The following AACS variants were observed in gnomAD, a reference collection of about 807,000 sequenced individuals.
The protein encoded by AACS is acetoacetyl-CoA synthetase.
Under a neutral mutation model 83.1 loss-of-function variants are expected in AACS, and 69 were observed. That is an observed-to-expected ratio of 0.83 (90% CI 0.68 to 1.01). The LOEUF (loss-of-function observed/expected upper bound fraction) is 1.01. AACS is among the 50% of genes least tolerant of loss of function. The pLI is 0.00. For missense variants in AACS, 866 were observed against 882.2 expected, an observed-to-expected ratio of 0.98 and a Z score of 0.23; for synonymous variants, 333 against 343.4, an observed-to-expected ratio of 0.97 and a Z score of 0.33.
intron 4 of AACS, among the ~76,000 whole-genome samples, chr12:125,088,255 A>G (rs1437501481): frequency 1.4e-5 from 2 of 146,834 alleles, no homozygotes; most frequent in African/African-American, 5.1e-5. Context: ...TTTTTGAGAC[A>G]GGGTCTCACT....
chr12:125,107,267 G>A lies in AACS; in HGVS notation c.914G>A (p.Gly305Glu). Residue 305 changes from glycine to glutamate, a missense_variant and splice_region_variant, in exon 8 of 18, where the codon GGG becomes GAG. Gly to Glu is a moderately conservative substitution (Grantham distance 98). Transcript: ENST00000316519. ...GAPKCMVHSAGGTLIQHLKEH... is the reference protein window; with the variant it reads ...GAPKCMVHSAEGTLIQHLKEH... ...CCCAAGTGCATGGTGCATTCCGCTG[G>A]GGTAGGTCTCTGGGGAAGGCTCTGC... 1 of 1,613,352 alleles carries A rather than the reference G, an allele frequency of 6.2e-7. No individual in the cohort carries two copies. The highest frequency in any genetic ancestry group is 8.5e-7 in the Non-Finnish European group (1 of 1,179,836).
rs761687598 is a variant in AACS at position 125,129,477 on chromosome 12, C to A, written c.1549+17C>A. 1 of 1,610,662 alleles carries A rather than the reference C, an allele frequency of 6.2e-7. No homozygotes were observed. Among genetic ancestry groups the A allele is most frequent in the East Asian group, 2.2e-5 (1 of 44,788 alleles). On this transcript the variant is annotated intron_variant, in intron 14 of 17. Coordinates refer to ENST00000316519, the MANE Select transcript of AACS (RefSeq NM_023928.5). The surrounding 1 kb of genome is among the most constrained non-coding windows in gnomAD (Gnocchi z 4.3). ...AATTCCCAGGTCGGTTGGAGAGATGCAGACAGAGCTGGCCAGCCTCTGCCT... is the reference window on the plus strand; with the variant it reads ...AATTCCCAGGTCGGTTGGAGAGATGAAGACAGAGCTGGCCAGCCTCTGCCT...
intron 3 of AACS, among the ~76,000 whole-genome samples, chr12:125,084,157 A>G (rs1048511784): frequency 6.6e-6 from 1 of 151,742 alleles, no homozygotes; most frequent in African/African-American, 2.4e-5. Flanking sequence ...GTGAAACCCC[A>G]TCTCTACTAA....
At chr12:125,117,409 G>A (rs373460285) in intron 9 of AACS, among the ~76,000 whole-genome samples, 64 of 149,266 alleles carry the variant, frequency 4.3e-4, no homozygotes, top group African/African-American at 1.5e-3. Context: ...GTGAGACTCC[G>A]TCTCAAAAAA....
rs1474793605 is a variant in AACS at position 125,087,645 on chromosome 12, C to T, written c.472+1202C>T. Among the ~76,000 whole-genome samples, 6 of 152,204 alleles carry T rather than the reference C, an allele frequency of 3.9e-5. No homozygotes were observed. The South Asian group carries it at 1.0e-3, about 26-fold the overall frequency. On this transcript the variant is annotated intron_variant, in intron 4 of 17. Coordinates refer to ENST00000316519, the MANE Select transcript of AACS (RefSeq NM_023928.5). ...GGCTTTGGAGCCTTGGTGTTTGGCA[C>T]GGGTGTGCCTCTCCCGAGGGAACTT...
rs751807542 is a variant in AACS at position 125,076,566 on chromosome 12, C to T, written c.313C>T (p.Leu105Phe). ...CAGTCGGCTCAACTATGCAGAAAACCTCCTGCGGCACAAAGAGAATGACAG... is the reference window on the plus strand; with the variant it reads ...CAGTCGGCTCAACTATGCAGAAAACTTCCTGCGGCACAAAGAGAATGACAG... ...KGSRLNYAENLLRHKENDRVA... is the reference protein window; with the variant it reads ...KGSRLNYAENFLRHKENDRVA... The change falls in exon 3 of 18, where the codon CTC becomes TTC. Residue 105 changes from leucine to phenylalanine, a missense_variant. By Grantham distance (22) the Leu-to-Phe change is conservative (BLOSUM62 0). Transcript: ENST00000316519. 3.7e-6 allele frequency: 6 copies of T among 1,614,158 alleles called. No homozygotes were observed. The highest frequency in any genetic ancestry group is 1.1e-5 in the South Asian group (1 of 91,082).
intron 7 of AACS, 30 bp downstream of exon 7, chr12:125,103,111 C>T (rs777891934): frequency 1.1e-5 from 17 of 1,588,594 alleles, no homozygotes; most frequent in South Asian, 8.0e-5. Context: ...CCCACAGGTC[C>T]GTGTGGACCC....
At chr12:125,101,761 A>AC (rs1198557835) in intron 5 of AACS, 8 of 101,488 alleles carry the variant, frequency 7.9e-5, no homozygotes, top group African/African-American at 3.0e-4. Context: ...GCTTTGATCA[A>AC]CTTTTTTTTT....
Position 125,142,351 on chromosome 12 carries a change from G to C in AACS, c.*122G>C. On this transcript the variant is annotated 3_prime_UTR_variant, in exon 18 of 18. Transcript: ENST00000316519. ...GATGCTCGCACCAAGTGTTCTGTAG[G>C]CTTGGGGAGGGATCGTTTCTCTGTT... 2.2e-6 allele frequency: 3 copies of C among 1,346,964 alleles called. No homozygotes were observed. The highest frequency in any genetic ancestry group is 3.0e-6 in the Non-Finnish European group (3 of 995,640). The allele number at this position is 1,346,964 out of a possible 1,614,324, so 83.4% of individuals were successfully genotyped here.
Position 125,102,960 on chromosome 12 carries a change from T to G in AACS, c.686-40T>G. On this transcript the variant is annotated intron_variant, in intron 6 of 17. Coordinates refer to ENST00000316519, the MANE Select transcript of AACS (RefSeq NM_023928.5). ...AAAAAAAAAAGCAGCCAAGCATCTT[T>G]GTCCTGTAACCTTGTGTTTTCTCCT... The G allele has an allele frequency of 2.6e-6, 4 of 1,568,052 alleles. No homozygotes were observed. The Admixed American group carries it at 5.9e-5, about 23-fold the overall frequency.
intron 4 of AACS, among the ~76,000 whole-genome samples, chr12:125,090,674 TC>T (rs1291620130): frequency 2.6e-5 from 4 of 151,626 alleles, no homozygotes; most frequent in African/African-American, 7.3e-5. Context: ...CCATCTGTCA[TC>T]CGTCCATTCA....
At chr12:125,116,069 T>C (rs1404038545) in intron 9 of AACS, among the ~76,000 whole-genome samples, 1 of 152,152 alleles carries the variant, frequency 6.6e-6, no homozygotes, top group Non-Finnish European at 1.5e-5. Flanking sequence ...TGCAGGGATT[T>C]GCTCTACAAC....
rs772670217 is a variant in AACS at position 125,136,819 on chromosome 12, T to C, written c.1836T>C (p.Ser612=). 1 of 1,613,968 alleles carries C rather than the reference T, an allele frequency of 6.2e-7. No homozygotes were observed. The highest frequency in any genetic ancestry group is 8.5e-7 in the Non-Finnish European group (1 of 1,180,030). The change falls in exon 17 of 18, where the codon TCT becomes TCC. Residue 612 remains serine, a synonymous_variant. Coordinates refer to ENST00000316519, the MANE Select transcript of AACS (RefSeq NM_023928.5). ...RIRDAIRMGL[S]ARHVPSLILE... ...GTGACGCCATCCGCATGGGCTTGTCTGCGCGACACGTGCCCAGCCTCATCC... is the reference window on the plus strand; with the variant it reads ...GTGACGCCATCCGCATGGGCTTGTCCGCGCGACACGTGCCCAGCCTCATCC...
Position 125,065,616 on chromosome 12 carries a change from A to C in AACS, c.32A>C (p.Glu11Ala). MSKEERPGRE[E>A]ILECQVMWEP... ...AAGGAGGAGCGCCCCGGTCGGGAGGAGATCCTGGAGTGCCAGGTGATGTGG... is the reference window on the plus strand; with the variant it reads ...AAGGAGGAGCGCCCCGGTCGGGAGGCGATCCTGGAGTGCCAGGTGATGTGG... Residue 11 changes from glutamate to alanine, a missense_variant, in exon 1 of 18, where the codon GAG becomes GCG. Glu to Ala is a moderately radical substitution (Grantham distance 107). Coordinates refer to ENST00000316519, the MANE Select transcript of AACS (RefSeq NM_023928.5). 1 of 1,527,924 alleles carries C rather than the reference A, an allele frequency of 6.5e-7. No homozygotes were observed. The highest frequency in any genetic ancestry group is 8.8e-7 in the Non-Finnish European group (1 of 1,135,274). The allele number at this position is 1,527,924 out of a possible 1,614,324, so 94.6% of individuals were successfully genotyped here.
intron 1 of AACS, among the ~76,000 whole-genome samples, chr12:125,067,921 A>G (rs1014293863): frequency 1.3e-5 from 2 of 152,196 alleles, no homozygotes; most frequent in African/African-American, 2.4e-5. Flanking sequence ...TTGTTTCCTC[A>G]TCTGTAAAAT....
chr12:125,086,742 C>T lies in AACS; in HGVS notation c.472+299C>T, dbSNP rs181754505. ...GTATGGCTTGCTGGAGGGATGAAGG[C>T]GCATTCAATATGGGCTTGCTGGAGG... On this transcript the variant is annotated intron_variant, in intron 4 of 17. Transcript: ENST00000316519. 1.3e-4 allele frequency among the ~76,000 whole-genome samples: 20 copies of T among 151,790 alleles called. No individual in the cohort carries two copies. In the East Asian group the frequency reaches 1.4e-3, roughly 10 times the overall value.
At chr12:125,067,809 C>T (rs1335611350) in intron 1 of AACS, among the ~76,000 whole-genome samples, 1 of 152,216 alleles carries the variant, frequency 6.6e-6, no homozygotes, top group Non-Finnish European at 1.5e-5. Flanking sequence ...GCTGGGATTA[C>T]AGGTGTGAGC....
Position 125,097,961 on chromosome 12 carries a change from C to T in AACS, c.571-4718C>T, listed in dbSNP as rs1956646127. On this transcript the variant is annotated intron_variant, in intron 5 of 17. Transcript: ENST00000316519. This position sits in a 1 kb window ranked among gnomAD's most constrained non-coding sequence, Gnocchi z 4.3. ...CGGCTAGGCACTGCCATCTCTCACG[C>T]GTGCCGTCGTAGTAGCTTCCGACCA... 6.6e-6 allele frequency among the ~76,000 whole-genome samples: 1 copy of T among 152,218 alleles called. No individual in the cohort carries two copies. Among genetic ancestry groups the T allele is most frequent in the African/African-American group, 2.4e-5 (1 of 41,458 alleles).
chr12:125,116,125 C>T (rs554624144), intron 9 of AACS, among the ~76,000 whole-genome samples: 1 of 152,326 alleles, frequency 6.6e-6, no homozygotes, highest in East Asian at 1.9e-4. Context: ...GTGCCAGCCC[C>T]ACCCCCACCA....
Sources: allele counts gnomAD v4.1 joint callset (sites outside exome capture counted in the v4.1 genomes callset), GRCh38; gene constraint gnomAD v4.1.1; non-coding constraint Gnocchi (gnomAD v3.1); transcripts MANE v1.5; gene names NCBI Gene and HGNC (gene_info 2026-07-23, HGNC 2026-07-21).